Variants in TBC1D32 observed in about 807,000 individuals in gnomAD.
TBC1D32 encodes the protein TBC1 domain family member 32.
In TBC1D32, 151 loss-of-function variants were observed where a neutral mutation model predicts 170.3. The ratio of observed to expected loss-of-function variants is 0.89; its 90% CI spans 0.78 to 1.01. The LOEUF (loss-of-function observed/expected upper bound fraction) is 1.01. Among genes scored for constraint, TBC1D32 ranks in the 50% least tolerant of loss-of-function variants. The pLI is 0.00. For synonymous variants in TBC1D32, 498 were observed against 488.0 expected (o/e 1.02, Z -0.27); for missense variants, 1,464 against 1,457.1 (o/e 1.00, Z -0.08).
intron 22 of TBC1D32, among the ~76,000 whole-genome samples, chr6:121,183,868 G>A (rs530471165): frequency 2.0e-5 from 3 of 152,108 alleles, no homozygotes; most frequent in African/African-American, 7.2e-5. Context: ...TTTTATGGCT[G>A]CTATCAAAAC....
chr6:121,232,572 T>C (rs1795882052), intron 20 of TBC1D32, among the ~76,000 whole-genome samples: 1 of 152,188 alleles, frequency 6.6e-6, no homozygotes, highest in African/African-American at 2.4e-5. Flanking sequence ...TGTCTTTCCA[T>C]TTGTTTGTGT....
chr6:121,215,672 C>T (rs1334082199), intron 21 of TBC1D32, among the ~76,000 whole-genome samples: 1 of 151,676 alleles, frequency 6.6e-6, no homozygotes, highest in Non-Finnish European at 1.5e-5. Flanking sequence ...AAAAAAATCC[C>T]ATTAAAAGGT....
chr6:121,213,507 A>C (rs149542220), intron 21 of TBC1D32, among the ~76,000 whole-genome samples: 47,891 of 75,338 alleles, frequency 0.64, 13,756 homozygotes, highest in Non-Finnish European at 0.72. Flanking sequence ...AATAAAATAA[A>C]ATAAAATAAA....
intron 15 of TBC1D32, among the ~76,000 whole-genome samples, chr6:121,269,186 C>T (rs538028440): frequency 8.7e-4 from 133 of 152,142 alleles, no homozygotes; most frequent in African/African-American, 3.1e-3. Flanking sequence ...CATCGAGGCT[C>T]GGAAGAAACT....
intron 22 of TBC1D32, among the ~76,000 whole-genome samples, chr6:121,176,347 G>C (rs1343365480): frequency 1.3e-5 from 2 of 152,104 alleles, no homozygotes; most frequent in Non-Finnish European, 2.9e-5. Context: ...CCTAAGGTGA[G>C]AGAATTTCTA....
chr6:121,290,337 A>G (rs1344226986), intron 12 of TBC1D32, among the ~76,000 whole-genome samples: 1 of 152,192 alleles, frequency 6.6e-6, no homozygotes, highest in Non-Finnish European at 1.5e-5. Flanking sequence ...CAAGTGGGCA[A>G]AGGATATAAA....
intron 15 of TBC1D32, among the ~76,000 whole-genome samples, chr6:121,268,529 G>T (rs1427564799): frequency 2.6e-5 from 4 of 152,114 alleles, no homozygotes; most frequent in Non-Finnish European, 5.9e-5. Context: ...AAGATCAAAT[G>T]CATGAAATTA....
At chr6:121,162,287 G>C (rs1236269515) in intron 22 of TBC1D32, among the ~76,000 whole-genome samples, 2 of 152,070 alleles carry the variant, frequency 1.3e-5, no homozygotes, top group African/African-American at 2.4e-5. Context: ...GCCCTGAATG[G>C]TATTGCCTAG....
chr6:121,234,092 T>C (rs1032258773), intron 20 of TBC1D32, among the ~76,000 whole-genome samples: 1 of 152,248 alleles, frequency 6.6e-6, no homozygotes, highest in Non-Finnish European at 1.5e-5. Flanking sequence ...GTTAATCTGA[T>C]AGGTTTTCCT....
chr6:121,286,247 T>C (rs1262323617), intron 12 of TBC1D32, among the ~76,000 whole-genome samples: 2 of 151,810 alleles, frequency 1.3e-5, no homozygotes, highest in African/African-American at 2.4e-5. Flanking sequence ...TGAAAAAAAA[T>C]TGGATAAATG....
chr6:121,116,240 G>A (rs1392332540), intron 26 of TBC1D32, among the ~76,000 whole-genome samples: 1 of 150,756 alleles, frequency 6.6e-6, no homozygotes, highest in Non-Finnish European at 1.5e-5. Context: ...TTCACTTCCA[G>A]GCTCATTCAT....
chr6:121,106,016 G>GGCT lies in TBC1D32; in HGVS notation c.3465+6_3465+7insAGC. ...AGTTGGAGAAATGCTACTCCCTTAT[G>GGCT]GATTACCTGTGATGGTGCAAAACCA... On this transcript the variant is annotated splice_region_variant and intron_variant, in intron 30 of 31. Transcript: ENST00000398212. 6.3e-7 allele frequency: 1 copy of GGCT among 1,597,324 alleles called. No homozygotes were observed. Among genetic ancestry groups the GGCT allele is most frequent in the Non-Finnish European group, 8.6e-7 (1 of 1,169,198 alleles).
chr6:121,260,610 C>A (rs2128404066), intron 15 of TBC1D32, among the ~76,000 whole-genome samples: 1 of 152,344 alleles, frequency 6.6e-6, no homozygotes, highest in Non-Finnish European at 1.5e-5. Flanking sequence ...GCTACCCAGC[C>A]TGGGAAGCTG....
intron 12 of TBC1D32, among the ~76,000 whole-genome samples, chr6:121,290,998 G>A (rs1389192784): frequency 6.6e-6 from 1 of 152,000 alleles, no homozygotes; most frequent in Non-Finnish European, 1.5e-5. Flanking sequence ...GGGGCCTGTT[G>A]TGGGGTTGGG....
At chr6:121,192,085 C>CATATATATATATATA (rs1221051008) in intron 22 of TBC1D32, among the ~76,000 whole-genome samples, 2 of 66,326 alleles carry the variant, frequency 3.0e-5, no homozygotes, top group African/African-American at 6.0e-5. Context: ...TATATATATC[C>CATATATATATATATA]TATTAGTTCT....
At chr6:121,311,174 C>G (rs1808135921) in intron 3 of TBC1D32, among the ~76,000 whole-genome samples, 1 of 152,048 alleles carries the variant, frequency 6.6e-6, no homozygotes, top group South Asian at 2.1e-4. Context: ...CAGACATAAA[C>G]AAAACAAGTA....
intron 30 of TBC1D32, among the ~76,000 whole-genome samples, chr6:121,102,126 A>G (rs1297002721): frequency 1.3e-5 from 2 of 152,254 alleles, no homozygotes; most frequent in Middle Eastern, 3.4e-3. Context: ...ATGCTCATGG[A>G]TAGGAAGAAT....
intron 16 of TBC1D32, 52 bp from the exon 17 acceptor site, chr6:121,255,462 A>G (rs1483693296): frequency 6.6e-6 from 3 of 455,072 alleles, no homozygotes; most frequent in Non-Finnish European, 1.1e-5. Flanking sequence ...CTAGCCATAT[A>G]TTTATATTTT....
chr6:121,293,830 G>A (rs1169583428), intron 11 of TBC1D32, among the ~76,000 whole-genome samples: 4 of 152,128 alleles, frequency 2.6e-5, no homozygotes, highest in Non-Finnish European at 5.9e-5. Flanking sequence ...AGAGTCGCTT[G>A]AACCCAGGAG....
Sources: gnomAD v4.1 joint callset for allele counts (sites outside exome capture counted in the v4.1 genomes callset) on GRCh38, gnomAD v4.1.1 for gene constraint, MANE v1.5 for transcripts, NCBI Gene and HGNC (gene_info 2026-07-23, HGNC 2026-07-21) for gene names.